Variants in TMPRSS11D observed in about 807,000 individuals in gnomAD.
The protein encoded by TMPRSS11D is transmembrane protease serine 11D.
In TMPRSS11D, 32 loss-of-function variants were observed where a neutral mutation model predicts 44.4. The observed-to-expected ratio is 0.72, with a 90% CI of 0.54 to 0.97. The LOEUF (loss-of-function observed/expected upper bound fraction) is 0.97. Ranked by LOEUF, TMPRSS11D falls within the 50% of genes least tolerant of loss-of-function variation. The pLI, the probability that TMPRSS11D is intolerant of heterozygous loss-of-function variation, is 0.00. For synonymous variants in TMPRSS11D, 179 were observed against 177.9 expected (o/e 1.01, Z -0.05); for missense variants, 446 against 502.6 (o/e 0.89, Z 1.08).
Position 67,866,492 on chromosome 4 carries a change from A to C in TMPRSS11D, c.9-6814T>G, listed in dbSNP as rs540580514. ...TCAAACACATTATGTGAAGTCGTAA[A>C]GAGCTATCAGGCAAGAGAAAAAATA... On this transcript the variant is annotated intron_variant, in intron 1 of 9. Coordinates refer to ENST00000283916, the MANE Select transcript of TMPRSS11D (RefSeq NM_004262.3). Among the ~76,000 whole-genome samples the C allele has an allele frequency of 2.6e-5, 4 of 152,034 alleles. No homozygotes were observed. The East Asian group carries it at 7.7e-4, about 29-fold the overall frequency.
intron 7 of TMPRSS11D, among the ~76,000 whole-genome samples, chr4:67,832,126 A>G (rs1042189720): frequency 3.3e-5 from 5 of 152,164 alleles, no homozygotes; most frequent in African/African-American, 4.8e-5. Context: ...GGAAGAGTCC[A>G]GGGGAAGAGA....
chr4:67,847,155 C>T (rs1045716375), intron 3 of TMPRSS11D, among the ~76,000 whole-genome samples: 4 of 152,190 alleles, frequency 2.6e-5, no homozygotes, highest in African/African-American at 7.2e-5. Flanking sequence ...CCGCCCACGT[C>T]GGCCTCCCAA....
intron 3 of TMPRSS11D, among the ~76,000 whole-genome samples, chr4:67,843,751 G>A (rs187854661): frequency 6.9e-4 from 105 of 152,084 alleles, no homozygotes; most frequent in Middle Eastern, 3.4e-3. Flanking sequence ...GTGAAACTCC[G>A]TCTCTACTAA....
intron 7 of TMPRSS11D, among the ~76,000 whole-genome samples, chr4:67,828,413 G>A (rs1717860840): frequency 6.6e-6 from 1 of 152,120 alleles, no homozygotes; most frequent in Non-Finnish European, 1.5e-5. Context: ...AAGAGATGTT[G>A]TTGAGGGTGA....
chr4:67,843,087 A>C (rs1421744755), intron 3 of TMPRSS11D, among the ~76,000 whole-genome samples: 1 of 148,952 alleles, frequency 6.7e-6, no homozygotes, highest in Non-Finnish European at 1.5e-5. Flanking sequence ...GAAGGGGAGA[A>C]GGAAGCAAAG....
chr4:67,857,725 G>A (rs1280310364), intron 2 of TMPRSS11D, among the ~76,000 whole-genome samples: 1 of 152,130 alleles, frequency 6.6e-6, no homozygotes, highest in African/African-American at 2.4e-5. Context: ...AGGGGTGTGA[G>A]GGGGATTGAA....
chr4:67,870,364 C>A (rs979618526), intron 1 of TMPRSS11D, among the ~76,000 whole-genome samples: 2 of 152,168 alleles, frequency 1.3e-5, no homozygotes, highest in African/African-American at 4.8e-5. Context: ...TCCTCAAGCA[C>A]AATAGGCCCT....
chr4:67,843,432 G>T (rs1190864752), intron 3 of TMPRSS11D, among the ~76,000 whole-genome samples: 2 of 152,090 alleles, frequency 1.3e-5, no homozygotes, highest in African/African-American at 4.8e-5. Context: ...AATGCTTGAG[G>T]TGATGGATAT....
intron 2 of TMPRSS11D, 43 bp from the exon 3 acceptor site, chr4:67,854,229 G>T: frequency 9.7e-7 from 1 of 1,033,204 alleles, no homozygotes; most frequent in Non-Finnish European, 1.4e-6. Context: ...ACTTTACTAA[G>T]TTGTTGAACC....
intron 1 of TMPRSS11D, among the ~76,000 whole-genome samples, chr4:67,880,722 T>G (rs1418631369): frequency 6.6e-6 from 1 of 152,020 alleles, no homozygotes; most frequent in Non-Finnish European, 1.5e-5. Context: ...ACACTGAACT[T>G]CTGGATCCAA....
At chr4:67,837,074 G>T (rs1270754211) in intron 5 of TMPRSS11D, among the ~76,000 whole-genome samples, 1 of 152,078 alleles carries the variant, frequency 6.6e-6, no homozygotes, top group Non-Finnish European at 1.5e-5. Flanking sequence ...CAACACTCTT[G>T]TGTTGGAATA....
At chr4:67,871,068 A>G (rs1341812783) in intron 1 of TMPRSS11D, among the ~76,000 whole-genome samples, 1 of 152,142 alleles carries the variant, frequency 6.6e-6, no homozygotes, top group Non-Finnish European at 1.5e-5. Context: ...TATATTTAAT[A>G]CATTCAAGAA....
intron 6 of TMPRSS11D, 97 bp downstream of exon 6, chr4:67,834,986 T>C (rs963855110): frequency 1.8e-6 from 2 of 1,091,662 alleles, no homozygotes; most frequent in Non-Finnish European, 2.8e-6. Flanking sequence ...GACATCAACT[T>C]GATAGATACT....
At chr4:67,877,830 C>G (rs1344085197) in intron 1 of TMPRSS11D, among the ~76,000 whole-genome samples, 1 of 152,158 alleles carries the variant, frequency 6.6e-6, no homozygotes, top group Non-Finnish European at 1.5e-5. Flanking sequence ...TTATCCTTTT[C>G]CTGAAATACT....
chr4:67,836,180 C>G (rs1718083477), intron 5 of TMPRSS11D, among the ~76,000 whole-genome samples: 1 of 152,102 alleles, frequency 6.6e-6, no homozygotes, highest in Non-Finnish European at 1.5e-5. Flanking sequence ...CCTTTTGGTA[C>G]TACTTTAGTT....
chr4:67,831,243 G>A (rs534048829), intron 7 of TMPRSS11D, among the ~76,000 whole-genome samples: 11 of 152,168 alleles, frequency 7.2e-5, no homozygotes, highest in African/African-American at 2.4e-4. Flanking sequence ...TAGAAGAGGT[G>A]ATAATTCAAT....
At chr4:67,861,053 C>A (rs1718781669) in intron 1 of TMPRSS11D, among the ~76,000 whole-genome samples, 1 of 151,956 alleles carries the variant, frequency 6.6e-6, no homozygotes, top group African/African-American at 2.4e-5. Context: ...TAAAAATTGA[C>A]CATGTTCAAG....
At chr4:67,851,168 G>T (rs1718499538) in intron 3 of TMPRSS11D, among the ~76,000 whole-genome samples, 1 of 152,200 alleles carries the variant, frequency 6.6e-6, no homozygotes, top group Non-Finnish European at 1.5e-5. Context: ...CTGGGAGGAT[G>T]CACTGGTTTT....
At position 67,827,352 on chromosome 4, in the gene TMPRSS11D, A is replaced by G; in HGVS notation, c.861T>C (p.Asp287=). 3 of 1,613,406 alleles carry G rather than the reference A, an allele frequency of 1.9e-6. No individual in the cohort carries two copies. Among genetic ancestry groups the G allele is most frequent in the South Asian group, 1.1e-5 (1 of 91,056 alleles). ...CAGCTGGGAGACACACACTATGGAT[A>G]TCTTTGGTAAAGGTGACACTGTTCT... The part of the protein sequence containing the change: ...RLENSVTFTK[D]IHSVCLPAAT... Residue 287 remains aspartate (D), a synonymous_variant, in exon 8 of 10, where the codon GAT becomes GAC. Coordinates refer to ENST00000283916, the MANE Select transcript of TMPRSS11D (RefSeq NM_004262.3).
Sources: gnomAD v4.1 joint callset for allele counts (sites outside exome capture counted in the v4.1 genomes callset) on GRCh38, gnomAD v4.1.1 for gene constraint, MANE v1.5 for transcripts, NCBI Gene and HGNC (gene_info 2026-07-23, HGNC 2026-07-21) for gene names.